Variants in RARB observed in about 807,000 individuals in gnomAD.
RARB encodes the protein HBV-activated protein.
A neutral mutation model predicts 51.9 loss-of-function variants in RARB; 17 were observed. The observed-to-expected ratio is 0.33, with a 90% CI of 0.22 to 0.49. The LOEUF is 0.49. Among genes scored for constraint, RARB ranks in the 20% least tolerant of loss-of-function variants. RARB has a pLI of 0.99. For synonymous variants in RARB, 215 were observed against 195.4 expected, an observed-to-expected ratio of 1.10 and a Z score of -0.84; for missense variants, 369 against 550.8, an observed-to-expected ratio of 0.67 and a Z score of 3.30.
chr3:25,325,568 G>A (rs58377501), intron 5 of RARB, among the ~76,000 whole-genome samples: 1 of 140,434 alleles, frequency 7.1e-6, no homozygotes, highest in Admixed American at 7.0e-5. Flanking sequence ...TTTTGTGGGG[G>A]TTTTTTTTTT....
At chr3:25,369,618 G>C (rs981274917) in intron 5 of RARB, among the ~76,000 whole-genome samples, 1 of 152,194 alleles carries the variant, frequency 6.6e-6, no homozygotes, top group African/African-American at 2.4e-5. Flanking sequence ...TAAGCAAGCA[G>C]ATTCAAAGAT....
At chr3:25,185,478 T>A (rs1700954015) in intron 5 of RARB, among the ~76,000 whole-genome samples, 1 of 152,102 alleles carries the variant, frequency 6.6e-6, no homozygotes, top group Non-Finnish European at 1.5e-5. Flanking sequence ...TAATATTAAT[T>A]GCTTAACGGT....
intron 5 of RARB, among the ~76,000 whole-genome samples, chr3:25,194,248 G>GA (rs1559499956): frequency 2.0e-5 from 3 of 151,520 alleles, no homozygotes; most frequent in East Asian, 1.9e-4. Flanking sequence ...AGGGTAGGAA[G>GA]GAGAGAAGGT....
At chr3:25,438,397 G>A (rs997109832) in intron 1 of RARB, among the ~76,000 whole-genome samples, 5 of 152,170 alleles carry the variant, frequency 3.3e-5, no homozygotes, top group African/African-American at 9.7e-5. Flanking sequence ...CAATCGTAGC[G>A]TATATGCACT....
chr3:25,445,436 AG>A (rs1391203359), intron 1 of RARB, among the ~76,000 whole-genome samples: 7 of 152,106 alleles, frequency 4.6e-5, no homozygotes, highest in Admixed American at 4.6e-4. Context: ...AGGCCGAGAC[AG>A]GTGGATCACT....
At chr3:25,416,403 A>G (rs984175774) in intron 5 of RARB, among the ~76,000 whole-genome samples, 1 of 152,166 alleles carries the variant, frequency 6.6e-6, no homozygotes, top group Non-Finnish European at 1.5e-5. Context: ...GCAAGCAAAT[A>G]TATAACTGCA....
intron 4 of RARB, among the ~76,000 whole-genome samples, chr3:25,146,103 C>G (rs1184748431): frequency 6.6e-6 from 1 of 152,158 alleles, no homozygotes; most frequent in Non-Finnish European, 1.5e-5. Flanking sequence ...TTGCCCCTCA[C>G]TAGCTCTGTG....
At chr3:25,526,480 T>C (rs1286759) in intron 3 of RARB, among the ~76,000 whole-genome samples, 80,327 of 152,028 alleles carry the variant, frequency 0.53, 23,060 homozygotes, top group African/African-American at 0.76. Context: ...GTGGGGTGGT[T>C]AGTTAAGTTG....
At chr3:25,366,148 TC>T in intron 5 of RARB, among the ~76,000 whole-genome samples, 1 of 152,216 alleles carries the variant, frequency 6.6e-6, no homozygotes, top group Non-Finnish European at 1.5e-5. Context: ...AGGCTTCACA[TC>T]CATTTTCTTC....
intron 2 of RARB, among the ~76,000 whole-genome samples, chr3:24,953,824 C>G (rs1435766231): frequency 6.6e-6 from 1 of 152,186 alleles, no homozygotes; most frequent in Non-Finnish European, 1.5e-5. Flanking sequence ...GCCCATTCAA[C>G]TCCTACTTGA....
intron 3 of RARB, among the ~76,000 whole-genome samples, chr3:25,068,149 AAAAAAAAAAAAAAAAAAAAAAAAAAAAT>A (rs1186078744): frequency 1.5e-5 from 2 of 132,900 alleles, no homozygotes; most frequent in African/African-American, 6.3e-5. Flanking sequence ...AAAAAAAAAA[AAAAAAAAAAAAAAAAAAAAAAAAAAAAT>A]CTTAAGGATT....
At chr3:25,446,661 G>T (rs1250281874) in intron 1 of RARB, among the ~76,000 whole-genome samples, 1 of 151,780 alleles carries the variant, frequency 6.6e-6, no homozygotes, top group Non-Finnish European at 1.5e-5. Flanking sequence ...AAATTAGCCG[G>T]GCGTGGTGGC....
intron 3 of RARB, among the ~76,000 whole-genome samples, chr3:25,548,254 A>C (rs1699699851): frequency 6.6e-6 from 1 of 152,176 alleles, no homozygotes; most frequent in Non-Finnish European, 1.5e-5. Flanking sequence ...CATGCTTAAA[A>C]AATTAGATTT....
intron 2 of RARB, among the ~76,000 whole-genome samples, chr3:24,934,104 T>C (rs115831318): frequency 0.022 from 3,307 of 152,224 alleles, 52 homozygotes; most frequent in Middle Eastern, 0.034. Flanking sequence ...TTCCAATTGT[T>C]ATTTTGCCAA....
At chr3:24,928,117 C>T (rs1016542098) in intron 2 of RARB, among the ~76,000 whole-genome samples, 2 of 152,010 alleles carry the variant, frequency 1.3e-5, no homozygotes, top group African/African-American at 2.4e-5. Context: ...GCAAAATTCA[C>T]ATGGTAGAAT....
chr3:24,876,549 A>G (rs979789379), intron 2 of RARB, among the ~76,000 whole-genome samples: 2 of 152,178 alleles, frequency 1.3e-5, no homozygotes, highest in Non-Finnish European at 2.9e-5. Flanking sequence ...GCAAGTGAAC[A>G]TATTAGCATT....
Position 25,279,575 on chromosome 3 carries a change from C to G in RARB, c.178+105000C>G, listed in dbSNP as rs371276243. Among the ~76,000 whole-genome samples the G allele has an allele frequency of 2.0e-5, 3 of 148,432 alleles. No homozygotes were observed. In the South Asian group the frequency reaches 6.3e-4, roughly 31 times the overall value. ...TAGGGAAGAGATAGTTACTACTGAT[C>G]TATTAAAAAAAAAAAAAGTTAAATG... On this transcript the variant is annotated intron_variant, in intron 5 of 11. Transcript: ENST00000383772.
chr3:25,297,629 G>T (rs942729802), intron 5 of RARB, among the ~76,000 whole-genome samples: 3 of 151,806 alleles, frequency 2.0e-5, no homozygotes, highest in African/African-American at 4.8e-5. Context: ...GATCTTCGTG[G>T]GGATTTTTTT....
intron 2 of RARB, among the ~76,000 whole-genome samples, chr3:24,887,890 A>AG (rs1703293505): frequency 1.3e-5 from 2 of 152,128 alleles, no homozygotes; most frequent in Non-Finnish European, 2.9e-5. Flanking sequence ...GATGGCCTTG[A>AG]GGGAGAGGTG....
Sources: allele counts gnomAD v4.1 joint callset (sites outside exome capture counted in the v4.1 genomes callset), GRCh38; gene constraint gnomAD v4.1.1; transcripts MANE v1.5; gene names NCBI Gene and HGNC (gene_info 2026-07-23, HGNC 2026-07-21).